The following BCL7A variants were observed in gnomAD, a reference collection of about 807,000 sequenced individuals.
BCL7A encodes B-cell CLL/lymphoma 7 protein family member A.
A neutral mutation model predicts 28.4 loss-of-function variants in BCL7A; 11 were observed. The observed-to-expected ratio is 0.39, with a 90% CI of 0.24 to 0.64. The LOEUF is 0.64. Among genes scored for constraint, BCL7A ranks in the 30% least tolerant of loss-of-function variants. The pLI is 0.50. For synonymous variants in BCL7A, 123 were observed against 103.3 expected (o/e 1.19, Z -1.15); for missense variants, 222 against 274.8 (o/e 0.81, Z 1.36).
intron 1 of BCL7A, among the ~76,000 whole-genome samples, chr12:122,030,253 C>A (rs1883713284): frequency 6.6e-6 from 1 of 152,230 alleles, no homozygotes; most frequent in Non-Finnish European, 1.5e-5. Flanking sequence ...AGACGCATCG[C>A]CCAGAGGGCA....
At chr12:122,035,269 T>G in intron 2 of BCL7A, 62 bp from the exon 3 acceptor site, 1 of 1,443,056 alleles carries the variant, frequency 6.9e-7, no homozygotes, top group Non-Finnish European at 9.7e-7. Flanking sequence ...CCAGGGGCTC[T>G]GAGCACGTGT....
intron 1 of BCL7A, among the ~76,000 whole-genome samples, chr12:122,024,459 T>A (rs1799499701): frequency 2.1e-5 from 1 of 47,282 alleles, no homozygotes; most frequent in Non-Finnish European, 4.3e-5. Flanking sequence ...TTTGAGGTTT[T>A]TTGTTTTTTT....
rs866498763 is a variant in BCL7A at position 122,049,039 on chromosome 12, T to A, written c.439+4986T>A. On this transcript the variant is annotated intron_variant, in intron 4 of 5. Coordinates refer to ENST00000261822, the MANE Select transcript of BCL7A (RefSeq NM_001024808.3). ...GTGTAAAAAAAAAAAAAAAAAAATA[T>A]ATATATATATATATACATATACACA... is the stretch of plus-strand genomic sequence containing the variant. Among the ~76,000 whole-genome samples the A allele has an allele frequency of 5.0e-3, 279 of 55,970 alleles. 1 individual carries two copies. Among genetic ancestry groups the A allele is most frequent in the African/African-American group, 0.02 (257 of 12,870 alleles). The allele number at this position is 55,970 out of a possible 152,430, so 36.7% of individuals were successfully genotyped here.
In BCL7A at chr12:122,030,902, A is replaced by T. The variant is rs1039476380; in HGVS notation, c.174+121A>T. ...GGCTCTGGGACCAAGAGCCCCTGGG[A>T]GTAGAAGGACCCAGATTAGACCTGG... On this transcript the variant is annotated intron_variant, in intron 2 of 5. Transcript: ENST00000261822. 14 of 989,980 alleles carry T rather than the reference A, an allele frequency of 1.4e-5. No individual in the cohort carries two copies. The African/African-American group carries it at 1.9e-4, about 14-fold the overall frequency. 61.3% of individuals were successfully genotyped at this position (989,980 alleles called of 1,614,324 possible). A position where few individuals can be genotyped will look rare whatever the true frequency, so the allele number is the denominator to read the frequency against.
At chr12:122,036,503 G>A (rs1478834358) in intron 3 of BCL7A, among the ~76,000 whole-genome samples, 1 of 152,136 alleles carries the variant, frequency 6.6e-6, no homozygotes, top group Non-Finnish European at 1.5e-5. Flanking sequence ...GGCGGTGTCT[G>A]TTTCTGTTTT....
At chr12:122,030,199 G>A (rs1402161969) in intron 1 of BCL7A, among the ~76,000 whole-genome samples, 1 of 152,246 alleles carries the variant, frequency 6.6e-6, no homozygotes, top group African/African-American at 2.4e-5. Flanking sequence ...CCGGCAGAGT[G>A]TGGGCGGCTC....
chr12:122,054,280 G>T (rs567467253), intron 4 of BCL7A, among the ~76,000 whole-genome samples: 2 of 152,168 alleles, frequency 1.3e-5, no homozygotes, highest in South Asian at 4.1e-4. Context: ...GTAGAGACGG[G>T]GTTTCACCGT....
At chr12:122,058,994 C>G (rs563279623) in intron 5 of BCL7A, 98 bp from the exon 6 acceptor site, 1 of 1,059,824 alleles carries the variant, frequency 9.4e-7, no homozygotes. Flanking sequence ...AAGCCGCCCC[C>G]GCTCGGTTCC....
In BCL7A at chr12:122,059,108, C is replaced by A; in HGVS notation, c.578C>A (p.Pro193Gln). The change falls in exon 6 of 6, where the codon CCA becomes CAA. Residue 193 changes from proline to glutamine, a missense_variant. Transcript: ENST00000261822. This position sits in a 1 kb window ranked among gnomAD's most constrained non-coding sequence, Gnocchi z 4.0. ...CTCCCCAAGGATTTGGAAGGAGTGC[C>A]ACCCTCTAAAAAGATGAAACTGGAG... The part of the protein sequence containing the change: ...SAISQDLEGV[P>Q]PSKKMKLEAS... 4 of 1,611,370 alleles carry A rather than the reference C, an allele frequency of 2.5e-6. No homozygotes were observed. The highest frequency in any genetic ancestry group is 3.4e-6 in the Non-Finnish European group (4 of 1,177,480).
intron 3 of BCL7A, among the ~76,000 whole-genome samples, chr12:122,043,022 T>A (rs954829287): frequency 2.0e-5 from 3 of 151,648 alleles, no homozygotes; most frequent in African/African-American, 7.3e-5. Context: ...TTTTTTTTTT[T>A]AAATATGATA....
intron 4 of BCL7A, among the ~76,000 whole-genome samples, chr12:122,045,345 C>T (rs1231154241): frequency 6.6e-6 from 1 of 152,146 alleles, no homozygotes; most frequent in African/African-American, 2.4e-5. Flanking sequence ...TGTGCCATTG[C>T]ACTCCAGTCT....
At chr12:122,051,866 C>CTCTT (rs761652172) in intron 4 of BCL7A, among the ~76,000 whole-genome samples, 15 of 80,328 alleles carry the variant, frequency 1.9e-4, no homozygotes, top group African/African-American at 7.5e-4. Context: ...CTCTCTCTCT[C>CTCTT]TTTTTTTTTT....
At chr12:122,050,685 A>C (rs999362943) in intron 4 of BCL7A, among the ~76,000 whole-genome samples, 9 of 152,104 alleles carry the variant, frequency 5.9e-5, no homozygotes, top group Non-Finnish European at 1.0e-4. Context: ...ATGACCAGCT[A>C]CTCGGGAGGC....
intron 3 of BCL7A, 151 bp from the exon 4 acceptor site, chr12:122,043,735 C>CA (rs58278577): frequency 0.24 from 142,110 of 594,810 alleles, 2,783 homozygotes; most frequent in African/African-American, 0.39. Context: ...AGATCCGTCT[C>CA]AAAAAAAAAA....
intron 3 of BCL7A, 52 bp downstream of exon 3, chr12:122,035,479 A>G (rs1400550322): frequency 6.7e-7 from 1 of 1,499,592 alleles, no homozygotes; most frequent in South Asian, 1.1e-5. Context: ...GGCCTTGGCC[A>G]AGCACTCGGT....
At chr12:122,024,442 A>G in intron 1 of BCL7A, among the ~76,000 whole-genome samples, 1 of 146,318 alleles carries the variant, frequency 6.8e-6, no homozygotes, top group African/African-American at 2.5e-5. Flanking sequence ...CTTTGTAGAA[A>G]CTTGGCTTTG....
chr12:122,036,537 G>C (rs368833448), intron 3 of BCL7A, among the ~76,000 whole-genome samples: 1 of 152,120 alleles, frequency 6.6e-6, no homozygotes, highest in Admixed American at 6.6e-5. Context: ...GAGAGGAAAC[G>C]TGCAAATGAT....
chr12:122,035,796 G>C (rs923552792), intron 3 of BCL7A, among the ~76,000 whole-genome samples: 2 of 152,136 alleles, frequency 1.3e-5, no homozygotes, highest in African/African-American at 2.4e-5. Flanking sequence ...TTCCCATTTT[G>C]CTTTGGCTGC....
intron 1 of BCL7A, among the ~76,000 whole-genome samples, 185 bp downstream of exon 1, chr12:122,022,368 T>C (rs1794524398): frequency 1.4e-5 from 2 of 141,134 alleles, no homozygotes; most frequent in Admixed American, 7.0e-5. Flanking sequence ...TGCGCCAGGC[T>C]GGGGCCGCGG....
Sources: gnomAD v4.1 joint callset for allele counts (sites outside exome capture counted in the v4.1 genomes callset) on GRCh38, gnomAD v4.1.1 for gene constraint, Gnocchi (gnomAD v3.1) non-coding constraint, MANE v1.5 for transcripts, NCBI Gene and HGNC (gene_info 2026-07-23, HGNC 2026-07-21) for gene names.